SIPA1L1: variants seen among roughly 807,000 people sequenced by gnomAD.
SIPA1L1 encodes the protein signal-induced proliferation-associated 1-like protein 1.
A neutral mutation model predicts 162.7 loss-of-function variants in SIPA1L1; 26 were observed. The observed-to-expected ratio is 0.16, with a 90% CI of 0.12 to 0.22. The LOEUF (loss-of-function observed/expected upper bound fraction) is 0.22. Among genes scored for constraint, SIPA1L1 ranks in the 10% least tolerant of loss-of-function variants. SIPA1L1 has a pLI of 1.00. For missense variants in SIPA1L1, 1,874 were observed against 2,241.0 expected, an observed-to-expected ratio of 0.84 and a Z score of 3.31; for synonymous variants, 829 against 837.4, an observed-to-expected ratio of 0.99 and a Z score of 0.17.
intron 2 of SIPA1L1, chr14:71,321,765 C>G (rs1435577352): frequency 1.3e-5 from 2 of 152,206 alleles, no homozygotes; most frequent in African/African-American, 4.8e-5. Flanking sequence ...CCATCTGTTA[C>G]CAGCTTCTCT....
intron 2 of SIPA1L1, among the ~76,000 whole-genome samples, chr14:71,510,953 C>T (rs112216153): frequency 6.6e-6 from 1 of 152,098 alleles, no homozygotes; most frequent in East Asian, 1.9e-4. Flanking sequence ...CTAATGTTAC[C>T]CTGTCTTTCC....
At chr14:71,400,531 A>G (rs1230096649) in intron 2 of SIPA1L1, among the ~76,000 whole-genome samples, 2 of 152,174 alleles carry the variant, frequency 1.3e-5, no homozygotes, top group East Asian at 3.9e-4. Context: ...GTCAAGCGGC[A>G]CAGATAAGGC....
rs1267232840 is a variant in SIPA1L1 at position 71,627,130 on chromosome 14, A to C, written c.1818+2894A>C. On this transcript the variant is annotated intron_variant, in intron 7 of 23. Transcript: ENST00000381232. ...CTGATGCCTTTCTGGGACTTTCACTACTTTTTTTTTTTTTTTTTTTTTTTT... is the reference window on the plus strand; with the variant it reads ...CTGATGCCTTTCTGGGACTTTCACTCCTTTTTTTTTTTTTTTTTTTTTTTT... Among the ~76,000 whole-genome samples the C allele has an allele frequency of 2.0e-4, 11 of 54,894 alleles. No individual in the cohort carries two copies. The South Asian group carries it at 2.1e-3, about 10-fold the overall frequency. The allele number at this position is 54,894 out of a possible 152,430, so 36.0% of individuals were successfully genotyped here.
chr14:71,483,315 C>T (rs932206683), intron 2 of SIPA1L1, among the ~76,000 whole-genome samples: 1 of 152,162 alleles, frequency 6.6e-6, no homozygotes, highest in African/African-American at 2.4e-5. Flanking sequence ...GGGGAACGTG[C>T]TCTGTGGTAT....
At chr14:71,386,977 A>G (rs774433044) in intron 2 of SIPA1L1, among the ~76,000 whole-genome samples, 2 of 152,150 alleles carry the variant, frequency 1.3e-5, no homozygotes, top group Non-Finnish European at 2.9e-5. Flanking sequence ...GGCCGGGCGC[A>G]GTGGCTCACG....
chr14:71,476,631 A>T (rs2047876362), intron 2 of SIPA1L1, among the ~76,000 whole-genome samples: 1 of 151,476 alleles, frequency 6.6e-6, no homozygotes. Flanking sequence ...CCGAATAACA[A>T]ATCTGTCAAT....
At chr14:71,399,967 C>A (rs948326817) in intron 2 of SIPA1L1, among the ~76,000 whole-genome samples, 1 of 151,908 alleles carries the variant, frequency 6.6e-6, no homozygotes, top group Non-Finnish European at 1.5e-5. Flanking sequence ...GTGATCCACC[C>A]GCCTCGGCCT....
Position 71,671,433 on chromosome 14 carries a change from G to C in SIPA1L1, c.2570G>C (p.Gly857Ala). ...CCAGGAGCCGAGCTCAGCAGCATGG[G>C]GGCCATTGTATGGGCAGTCCGGGCT... ...PYPGAELSSM[G>A]AIVWAVRAED... The change falls in exon 11 of 24, where the codon GGG (glycine) becomes GCG (alanine). Residue 857 changes from glycine (G) to alanine (A), a missense_variant. By Grantham distance (60) the Gly-to-Ala change is moderately conservative (BLOSUM62 0). Coordinates refer to ENST00000381232, the MANE Select transcript of SIPA1L1 (RefSeq NM_001386936.1). 6.2e-7 allele frequency: 1 copy of C among 1,614,192 alleles called. No individual in the cohort carries two copies. The highest frequency in any genetic ancestry group is 8.5e-7 in the Non-Finnish European group (1 of 1,180,036).
At chr14:71,566,009 A>T (rs868063091) in intron 4 of SIPA1L1, among the ~76,000 whole-genome samples, 3 of 152,136 alleles carry the variant, frequency 2.0e-5, no homozygotes, top group Non-Finnish European at 4.4e-5. Flanking sequence ...CAACAAAAGA[A>T]AAACATTGTC....
At chr14:71,391,067 G>A (rs2040707636) in intron 2 of SIPA1L1, among the ~76,000 whole-genome samples, 1 of 147,762 alleles carries the variant, frequency 6.8e-6, no homozygotes, top group Non-Finnish European at 1.5e-5. Context: ...AGAAAAAAAA[G>A]CCAACAAAAA....
chr14:71,500,542 C>G (rs2050124799), intron 2 of SIPA1L1, among the ~76,000 whole-genome samples: 1 of 152,182 alleles, frequency 6.6e-6, no homozygotes, highest in African/African-American at 2.4e-5. Context: ...AACTTATACA[C>G]CCTGCTAGTG....
chr14:71,626,148 A>C (rs987199102), intron 7 of SIPA1L1, among the ~76,000 whole-genome samples: 1 of 152,204 alleles, frequency 6.6e-6, no homozygotes, highest in Non-Finnish European at 1.5e-5. Flanking sequence ...TATTAATCAT[A>C]ATATATGATA....
chr14:71,712,340 T>C (rs2082937055), intron 17 of SIPA1L1, among the ~76,000 whole-genome samples: 1 of 152,192 alleles, frequency 6.6e-6, no homozygotes, highest in African/African-American at 2.4e-5. Flanking sequence ...TATATTTGAA[T>C]GTCATTAAAA....
At chr14:71,658,288 TTTCCTG>T (rs2149206680) in intron 8 of SIPA1L1, 39 bp from the exon 9 acceptor site, 1 of 917,450 alleles carries the variant, frequency 1.1e-6, no homozygotes, top group South Asian at 1.5e-5. Context: ...ATAAATTATT[TTTCCTG>T]TTATAGTCAT....
intron 2 of SIPA1L1, among the ~76,000 whole-genome samples, chr14:71,322,682 G>A (rs559660107): frequency 2.0e-5 from 3 of 152,324 alleles, no homozygotes; most frequent in Admixed American, 1.3e-4. Flanking sequence ...AATGGTTAGA[G>A]GCAAAATAAG....
chr14:71,703,987 T>C lies in SIPA1L1; in HGVS notation c.3647-1235T>C, dbSNP rs551497157. On this transcript the variant is annotated intron_variant, in intron 15 of 23. Coordinates refer to ENST00000381232, the MANE Select transcript of SIPA1L1 (RefSeq NM_001386936.1). ...TTTAAAACCTATTTGCTCATCTTTT[T>C]TGTAAGGTATACTTTTTTTAAAATA... is the stretch of plus-strand genomic sequence containing the variant. 4.9e-4 allele frequency among the ~76,000 whole-genome samples: 75 copies of C among 152,344 alleles called. 3 individuals are homozygous for C. Among genetic ancestry groups the C allele is most frequent in the African/African-American group, 1.7e-3 (72 of 41,570 alleles).
chr14:71,577,622 G>T (rs376861694), intron 4 of SIPA1L1, among the ~76,000 whole-genome samples: 11 of 151,614 alleles, frequency 7.3e-5, no homozygotes, highest in African/African-American at 2.7e-4. Flanking sequence ...CAGGTGATCC[G>T]CCTGCCTTGG....
intron 2 of SIPA1L1, among the ~76,000 whole-genome samples, chr14:71,434,535 A>G (rs1344693370): frequency 1.3e-5 from 2 of 152,122 alleles, no homozygotes; most frequent in African/African-American, 4.8e-5. Context: ...TTTGTTTTCC[A>G]GGATCTAATC....
intron 2 of SIPA1L1, among the ~76,000 whole-genome samples, chr14:71,383,238 G>A (rs1310481074): frequency 1.3e-5 from 2 of 152,158 alleles, no homozygotes; most frequent in African/African-American, 2.4e-5. Flanking sequence ...CCATTTTACA[G>A]ATGAAGAAAT....
Sources: allele counts gnomAD v4.1 joint callset (sites outside exome capture counted in the v4.1 genomes callset), GRCh38; gene constraint gnomAD v4.1.1; transcripts MANE v1.5; gene names NCBI Gene and HGNC (gene_info 2026-07-23, HGNC 2026-07-21).